Variants in HDAC4 observed in about 807,000 individuals in gnomAD.
The protein encoded by HDAC4 is histone deacetylase A.
HDAC4 carries 16 observed loss-of-function variants against 135.1 expected under a neutral mutation model. That is an observed-to-expected ratio of 0.12 (90% CI 0.08 to 0.18). The LOEUF (loss-of-function observed/expected upper bound fraction) is 0.18. Ranked by LOEUF, HDAC4 falls within the 10% of genes least tolerant of loss-of-function variation. The pLI is 1.00. For missense variants in HDAC4, 1,143 were observed against 1,511.8 expected (o/e 0.76, Z 4.05); for synonymous variants, 685 against 653.4 (o/e 1.05, Z -0.74).
intron 6 of HDAC4, among the ~76,000 whole-genome samples, chr2:239,157,029 C>A (rs1275238342): frequency 6.6e-6 from 1 of 152,230 alleles, no homozygotes; most frequent in Admixed American, 6.5e-5. Context: ...GCACCTCTGG[C>A]CGTTTTCCTG....
chr2:239,092,891 G>A (rs1271101174), intron 17 of HDAC4, among the ~76,000 whole-genome samples: 1 of 149,770 alleles, frequency 6.7e-6, no homozygotes, highest in Non-Finnish European at 1.5e-5. Flanking sequence ...TCTCTCTCTC[G>A]CTTCTCTCCT....
At chr2:239,223,607 C>T (rs952476117) in intron 3 of HDAC4, among the ~76,000 whole-genome samples, 2 of 152,132 alleles carry the variant, frequency 1.3e-5, no homozygotes, top group South Asian at 2.1e-4. Context: ...ACACACGGTA[C>T]GTAGCTGAGT....
At chr2:239,281,773 C>G (rs1433027187) in intron 2 of HDAC4, among the ~76,000 whole-genome samples, 1 of 149,212 alleles carries the variant, frequency 6.7e-6, no homozygotes, top group Non-Finnish European at 1.5e-5. Flanking sequence ...ATTTACCCAC[C>G]ACTCTACACA....
At chr2:239,205,934 C>T (rs1211090871) in intron 3 of HDAC4, among the ~76,000 whole-genome samples, 1 of 152,094 alleles carries the variant, frequency 6.6e-6, no homozygotes, top group East Asian at 1.9e-4. Flanking sequence ...ACCTTAACTG[C>T]CAGGAATAAA....
chr2:239,063,099 T>C (rs947200873), intron 24 of HDAC4, among the ~76,000 whole-genome samples: 1 of 152,154 alleles, frequency 6.6e-6, no homozygotes, highest in African/African-American at 2.4e-5. Context: ...ATACTCCAGG[T>C]CTGCTGTCCC....
intron 1 of HDAC4, among the ~76,000 whole-genome samples, chr2:239,355,040 C>G (rs968903597): frequency 6.6e-6 from 1 of 151,990 alleles, no homozygotes; most frequent in Non-Finnish European, 1.5e-5. Flanking sequence ...CTTTGGGGGC[C>G]GAGTCTTGAT....
At chr2:239,056,155 T>C (rs77857703) in intron 24 of HDAC4, among the ~76,000 whole-genome samples, 1 of 152,126 alleles carries the variant, frequency 6.6e-6, no homozygotes, top group Non-Finnish European at 1.5e-5. Flanking sequence ...GAGGCACACA[T>C]ACCCACAGCA....
chr2:239,314,735 G>C (rs1157575133), intron 2 of HDAC4, among the ~76,000 whole-genome samples: 2 of 152,220 alleles, frequency 1.3e-5, no homozygotes, highest in Non-Finnish European at 2.9e-5. Flanking sequence ...TAAAGGTAAA[G>C]AGATAGAAAG....
At chr2:239,392,095 G>A (rs919539906) in intron 1 of HDAC4, among the ~76,000 whole-genome samples, 8 of 152,234 alleles carry the variant, frequency 5.3e-5, no homozygotes, top group African/African-American at 1.2e-4. Flanking sequence ...CCACCATGCC[G>A]GGCAGGGGTG....
At chr2:239,189,298 T>A (rs1013866049) in intron 4 of HDAC4, among the ~76,000 whole-genome samples, 1 of 152,238 alleles carries the variant, frequency 6.6e-6, no homozygotes, top group Non-Finnish European at 1.5e-5. Flanking sequence ...TCCAATTGAT[T>A]TAATTTTAAA....
At chr2:239,300,454 G>A (rs936596516) in intron 2 of HDAC4, among the ~76,000 whole-genome samples, 6 of 152,356 alleles carry the variant, frequency 3.9e-5, no homozygotes, top group South Asian at 2.1e-4. Context: ...TGGCTGCCCC[G>A]ATGGGCATTG....
intron 2 of HDAC4, among the ~76,000 whole-genome samples, chr2:239,316,803 G>A (rs766861445): frequency 6.6e-6 from 1 of 152,222 alleles, no homozygotes; most frequent in Non-Finnish European, 1.5e-5. Flanking sequence ...TGGGGACAGG[G>A]TGGAAAGGAC....
intron 2 of HDAC4, among the ~76,000 whole-genome samples, chr2:239,342,041 C>G (rs1439521911): frequency 6.6e-6 from 1 of 152,162 alleles, no homozygotes; most frequent in South Asian, 2.1e-4. Context: ...ACCAAGTCCG[C>G]TGGCACCTTG....
At chr2:239,220,468 T>C (rs604433) in intron 3 of HDAC4, among the ~76,000 whole-genome samples, 137,651 of 152,252 alleles carry the variant, frequency 0.9, 62,388 homozygotes, top group South Asian at 0.97. Flanking sequence ...GAAAGAAATC[T>C]GACAGATTGC....
At chr2:239,230,512 C>T (rs762620909) in intron 3 of HDAC4, among the ~76,000 whole-genome samples, 2 of 151,994 alleles carry the variant, frequency 1.3e-5, no homozygotes, top group South Asian at 4.1e-4. Context: ...CTTCCCTGAT[C>T]GGAGGAAAAT....
At chr2:239,205,991 G>C (rs2046022655) in intron 3 of HDAC4, among the ~76,000 whole-genome samples, 1 of 152,206 alleles carries the variant, frequency 6.6e-6, no homozygotes, top group Non-Finnish European at 1.5e-5. Flanking sequence ...GGATCCATCA[G>C]AAAGAATTTT....
intron 17 of HDAC4, among the ~76,000 whole-genome samples, chr2:239,092,724 C>G (rs2036630345): frequency 6.6e-6 from 1 of 152,222 alleles, no homozygotes; most frequent in African/African-American, 2.4e-5. Flanking sequence ...CCTGGAGCTC[C>G]AGGCCTCTTG....
chr2:239,319,561 G>A lies in HDAC4; in HGVS notation c.22+33117C>T, dbSNP rs138954449. ...ACGCAGAGTTAAAAGTAGCTTACCC[G>A]TGACCCGGCACTCCCATTCCCAGGC... On this transcript the variant is annotated intron_variant, in intron 2 of 26. Transcript: ENST00000543185. 2.9e-4 allele frequency among the ~76,000 whole-genome samples: 44 copies of A among 152,302 alleles called. 1 individual carries two copies. The East Asian group carries it at 7.9e-3, about 27-fold the overall frequency.
chr2:239,334,022 A>G (rs1377780743), intron 2 of HDAC4, among the ~76,000 whole-genome samples: 1 of 152,236 alleles, frequency 6.6e-6, no homozygotes, highest in Non-Finnish European at 1.5e-5. Flanking sequence ...ATTAGCAAAG[A>G]AGAAATGAAA....
Sources: allele counts gnomAD v4.1 joint callset (sites outside exome capture counted in the v4.1 genomes callset), GRCh38; gene constraint gnomAD v4.1.1; transcripts MANE v1.5; gene names NCBI Gene and HGNC (gene_info 2026-07-23, HGNC 2026-07-21).